PHF2: variants seen among roughly 807,000 people sequenced by gnomAD.
PHF2 encodes PHD finger protein 2.
A neutral mutation model predicts 120.5 loss-of-function variants in PHF2; 27 were observed. That is an observed-to-expected ratio of 0.22 (90% CI 0.17 to 0.31). PHF2 has a LOEUF of 0.31. Among genes scored for constraint, PHF2 ranks in the 10% least tolerant of loss-of-function variants. The pLI, the probability that PHF2 is intolerant of heterozygous loss-of-function variation, is 1.00. For synonymous variants in PHF2, 568 were observed against 592.5 expected, an observed-to-expected ratio of 0.96 and a Z score of 0.60; for missense variants, 1,024 against 1,434.8, an observed-to-expected ratio of 0.71 and a Z score of 4.63.
At position 93,654,476 on chromosome 9, in the gene PHF2, C is replaced by T. The variant is rs749713154; in HGVS notation, c.853C>T (p.Arg285Trp). 1.9e-5 allele frequency: 30 copies of T among 1,613,938 alleles called. No individual in the cohort carries two copies. The highest frequency in any genetic ancestry group is 2.2e-5 in the Non-Finnish European group (26 of 1,180,028). ...SANISLYERWRSASNHSEMFF... is the reference protein window; with the variant it reads ...SANISLYERWWSASNHSEMFF... Reference sequence around the variant, plus strand: ...CAACATCTCCCTGTATGAGCGCTGGCGGTCTGCCTCTAACCACAGCGAGAT... The same window carrying T: ...CAACATCTCCCTGTATGAGCGCTGGTGGTCTGCCTCTAACCACAGCGAGAT... Residue 285 changes from arginine (R) to tryptophan (W), a missense_variant, in exon 7 of 22, where the codon CGG becomes TGG. Transcript: ENST00000359246.
chr9:93,613,478 G>A (rs533201076), intron 1 of PHF2, among the ~76,000 whole-genome samples: 1 of 152,174 alleles, frequency 6.6e-6, no homozygotes, highest in East Asian at 1.9e-4. Context: ...CTGCAGTGGT[G>A]CCCAGGCCTG....
intron 1 of PHF2, among the ~76,000 whole-genome samples, chr9:93,581,285 C>T (rs546372376): frequency 5.3e-5 from 8 of 152,270 alleles, no homozygotes; most frequent in East Asian, 3.9e-4. Context: ...TGTGGCCTCG[C>T]GCTGCAGGCC....
intron 1 of PHF2, among the ~76,000 whole-genome samples, chr9:93,580,100 T>A (rs1161229268): frequency 1.3e-5 from 2 of 152,184 alleles, no homozygotes; most frequent in African/African-American, 4.8e-5. Flanking sequence ...CCCCCCTCTG[T>A]CCTTGGGATG....
chr9:93,646,250 C>T (rs1826257586), intron 4 of PHF2, among the ~76,000 whole-genome samples: 2 of 152,252 alleles, frequency 1.3e-5, no homozygotes, highest in Non-Finnish European at 2.9e-5. Flanking sequence ...GTGCCATTGC[C>T]ATCAGCAGTG....
chr9:93,602,247 CTTTTTTTTTTTT>C (rs67001312), intron 1 of PHF2, among the ~76,000 whole-genome samples: 1 of 79,668 alleles, frequency 1.3e-5, no homozygotes, highest in Non-Finnish European at 2.2e-5. Flanking sequence ...CCTAGAGATT[CTTTTTTTTTTTT>C]TTTTTTTTTT....
intron 2 of PHF2, among the ~76,000 whole-genome samples, chr9:93,630,490 G>C (rs1825983265): frequency 6.6e-6 from 1 of 152,204 alleles, no homozygotes; most frequent in African/African-American, 2.4e-5. Flanking sequence ...GGTGGGCTCT[G>C]TCCTCCCCTC....
At chr9:93,659,180 G>A (rs1357685916) in intron 10 of PHF2, among the ~76,000 whole-genome samples, 4 of 152,238 alleles carry the variant, frequency 2.6e-5, no homozygotes, top group African/African-American at 9.6e-5. Context: ...CAAGGCCCAG[G>A]GCAGTCCAGG....
intron 18 of PHF2, among the ~76,000 whole-genome samples, chr9:93,674,421 G>A (rs1463295960): frequency 1.3e-5 from 2 of 152,124 alleles, no homozygotes; most frequent in African/African-American, 4.8e-5. Flanking sequence ...TCATAGCAAC[G>A]GAAGGAGTTG....
At chr9:93,604,967 G>C (rs1302733341) in intron 1 of PHF2, among the ~76,000 whole-genome samples, 1 of 152,118 alleles carries the variant, frequency 6.6e-6, no homozygotes, top group Non-Finnish European at 1.5e-5. Flanking sequence ...GAAGCATGTA[G>C]ACATGCACAC....
At chr9:93,608,091 G>C (rs1350738322) in intron 1 of PHF2, among the ~76,000 whole-genome samples, 1 of 152,130 alleles carries the variant, frequency 6.6e-6, no homozygotes, top group Non-Finnish European at 1.5e-5. Context: ...TTTTGGTCTT[G>C]TCTTACCTTA....
intron 1 of PHF2, among the ~76,000 whole-genome samples, chr9:93,587,021 C>T (rs528626721): frequency 1.3e-5 from 2 of 152,224 alleles, no homozygotes; most frequent in Non-Finnish European, 2.9e-5. Context: ...GTGGGAGTTA[C>T]ATTCTGGCCC....
chr9:93,630,687 G>A (rs1825987309), intron 2 of PHF2, among the ~76,000 whole-genome samples: 1 of 152,194 alleles, frequency 6.6e-6, no homozygotes, highest in Non-Finnish European at 1.5e-5. Flanking sequence ...GTTCAGCCAG[G>A]TGAGCTGGAG....
rs148251060 is a variant in PHF2, at chr9:93,678,516, G to A, written c.*840G>A. On this transcript the variant is annotated 3_prime_UTR_variant, in exon 22 of 22. Transcript: ENST00000359246. ...GACTGGCAGGGCAGGGGCAGGGGCA[G>A]GGACAGTGGCCAGGCGGCCCGAGGA... The A allele has an allele frequency of 6.6e-6, 1 of 152,658 alleles. No individual in the cohort carries two copies. Among genetic ancestry groups the A allele is most frequent in the Non-Finnish European group, 1.5e-5 (1 of 68,158 alleles). 9.5% of individuals were successfully genotyped at this position (152,658 alleles called of 1,614,324 possible). A position where few individuals can be genotyped will look rare whatever the true frequency, so the allele number is the denominator to read the frequency against.
At chr9:93,616,247 C>T (rs1825727876) in intron 1 of PHF2, among the ~76,000 whole-genome samples, 1 of 152,178 alleles carries the variant, frequency 6.6e-6, no homozygotes, top group African/African-American at 2.4e-5. Context: ...GGAGAAACCA[C>T]ATTAACATGA....
intron 6 of PHF2, 36 bp downstream of exon 6, chr9:93,653,401 A>T (rs747642111): frequency 6.2e-7 from 1 of 1,604,460 alleles, no homozygotes; most frequent in East Asian, 2.2e-5. Context: ...CTGCCTTGCC[A>T]TGGCCATGAC....
At chr9:93,602,216 A>AT (rs1471257142) in intron 1 of PHF2, among the ~76,000 whole-genome samples, 8 of 124,688 alleles carry the variant, frequency 6.4e-5, no homozygotes, top group Non-Finnish European at 1.4e-4. Context: ...TGAGTTTTGC[A>AT]TTTTAAAGTC....
intron 2 of PHF2, among the ~76,000 whole-genome samples, chr9:93,634,450 C>T (rs571619233): frequency 6.6e-6 from 1 of 152,198 alleles, no homozygotes; most frequent in African/African-American, 2.4e-5. Context: ...GCAGGGGCTC[C>T]CAAGCATCTA....
intron 1 of PHF2, among the ~76,000 whole-genome samples, chr9:93,627,253 A>G (rs931559406): frequency 6.6e-6 from 1 of 152,128 alleles, no homozygotes; most frequent in East Asian, 1.9e-4. Flanking sequence ...TTTTGATGGT[A>G]TTATAATGGT....
chr9:93,612,591 T>C (rs1342367612), intron 1 of PHF2, among the ~76,000 whole-genome samples: 1 of 152,264 alleles, frequency 6.6e-6, no homozygotes, highest in Non-Finnish European at 1.5e-5. Flanking sequence ...CATTTTGTGA[T>C]TTGGAAAATG....
Sources: gnomAD v4.1 joint callset for allele counts (sites outside exome capture counted in the v4.1 genomes callset) on GRCh38, gnomAD v4.1.1 for gene constraint, MANE v1.5 for transcripts, NCBI Gene and HGNC (gene_info 2026-07-23, HGNC 2026-07-21) for gene names.